Variants in FAM120B observed in about 807,000 individuals in gnomAD.
FAM120B encodes constitutive coactivator of peroxisome proliferator-activated receptor gamma.
In FAM120B, 83 loss-of-function variants were observed where a neutral mutation model predicts 96.3. The observed-to-expected ratio is 0.86, with a 90% CI of 0.72 to 1.03. FAM120B has a LOEUF of 1.03. FAM120B is among the 50% of genes least tolerant of loss of function. The pLI, the probability that FAM120B is intolerant of heterozygous loss-of-function variation, is 0.00. For missense variants in FAM120B, 1,027 were observed against 1,121.2 expected (o/e 0.92, Z 1.20); for synonymous variants, 407 against 402.7 (o/e 1.01, Z -0.13).
chr6:170,318,119 G>C lies in FAM120B; in HGVS notation c.729G>C (p.Arg243Ser). ...IIPEGMFESFRYKCLSSYTSV... is the reference protein window; with the variant it reads ...IIPEGMFESFSYKCLSSYTSV... ...CAGAGGGCATGTTTGAAAGCTTTAG[G>C]TACAAATGCTTATCGTCCTACACCT... Residue 243 changes from arginine to serine, a missense_variant, in exon 2 of 11, where the codon AGG becomes AGC. By Grantham distance (110) the Arg-to-Ser change is moderately radical. Coordinates refer to ENST00000476287, the MANE Select transcript of FAM120B (RefSeq NM_032448.3). 6.2e-7 allele frequency: 1 copy of C among 1,614,096 alleles called. No homozygotes were observed. The highest frequency in any genetic ancestry group is 1.1e-5 in the South Asian group (1 of 91,086).
intron 8 of FAM120B, among the ~76,000 whole-genome samples, chr6:170,392,776 A>T (rs1341368864): frequency 6.6e-6 from 1 of 152,110 alleles, no homozygotes. Context: ...CCCAGATCCC[A>T]CCAGGTGTCG....
At chr6:170,350,877 G>A (rs1002783925) in intron 5 of FAM120B, among the ~76,000 whole-genome samples, 116 of 152,268 alleles carry the variant, frequency 7.6e-4, no homozygotes, top group African/African-American at 2.6e-3. Context: ...AAGCCAGAGC[G>A]CCTTTTCTCC....
At chr6:170,304,191 A>G (rs898911202), upstream of FAM120B, among the ~76,000 whole-genome samples, 1 of 152,264 alleles carries the variant, frequency 6.6e-6, no homozygotes, top group Non-Finnish European at 1.5e-5. Context: ...AACAGCTAAT[A>G]TAGTGAGAGT....
In FAM120B at chr6:170,386,769, A is replaced by G. The variant is rs1329162321; in HGVS notation, c.2284-1518A>G. Among the ~76,000 whole-genome samples the G allele has an allele frequency of 2.0e-5, 3 of 152,228 alleles. No individual in the cohort carries two copies. In the East Asian group the frequency reaches 5.8e-4, roughly 29 times the overall value. On this transcript the variant is annotated intron_variant, in intron 6 of 10. Coordinates refer to ENST00000476287, the MANE Select transcript of FAM120B (RefSeq NM_032448.3). ...TTTCTCTAAGTCCAGCAAAATCCTG[A>G]TGCAAAAATCTAACAAAGACATCAC...
chr6:170,378,708 C>T (rs1348426104), intron 6 of FAM120B, among the ~76,000 whole-genome samples: 1 of 152,178 alleles, frequency 6.6e-6, no homozygotes, highest in Non-Finnish European at 1.5e-5. Flanking sequence ...TGCAAAGGGG[C>T]AGCCAGTGCC....
At chr6:170,349,473 C>T (rs920222318) in intron 5 of FAM120B, among the ~76,000 whole-genome samples, 64 of 152,356 alleles carry the variant, frequency 4.2e-4, no homozygotes, top group Non-Finnish European at 4.7e-4. Context: ...TAAATGTCCT[C>T]TTGGGTCTGC....
chr6:170,293,178 C>T (rs1336241175), upstream of FAM120B, among the ~76,000 whole-genome samples: 5 of 151,764 alleles, frequency 3.3e-5, no homozygotes, highest in Non-Finnish European at 5.9e-5. Flanking sequence ...GTGCTGGGGG[C>T]TGGGGGTGGG....
At chr6:170,339,346 TGTCA>T (rs1215129214) in intron 4 of FAM120B, among the ~76,000 whole-genome samples, 2 of 152,074 alleles carry the variant, frequency 1.3e-5, no homozygotes, top group African/African-American at 4.8e-5. Context: ...TTTTAAGGGA[TGTCA>T]GTGTTTTTGC....
chr6:170,358,423 A>G (rs1277616528), intron 6 of FAM120B, 105 bp downstream of exon 6: 10 of 845,274 alleles, frequency 1.2e-5, no homozygotes, highest in Middle Eastern at 4.6e-4. Flanking sequence ...TCAGGAAGGT[A>G]TTTTAGTCAG....
chr6:170,360,722 C>T (rs1297988988), intron 6 of FAM120B, among the ~76,000 whole-genome samples: 1 of 152,112 alleles, frequency 6.6e-6, no homozygotes, highest in East Asian at 1.9e-4. Flanking sequence ...CTTGTGATCC[C>T]TGAGGTCACT....
intron 5 of FAM120B, among the ~76,000 whole-genome samples, chr6:170,349,715 G>A (rs1383285581): frequency 6.6e-6 from 1 of 152,176 alleles, no homozygotes; most frequent in Non-Finnish European, 1.5e-5. Context: ...GAGAGGAGAT[G>A]AATCCAAGAG....
chr6:170,402,503 C>A (rs1030975552), intron 9 of FAM120B, among the ~76,000 whole-genome samples: 3 of 152,236 alleles, frequency 2.0e-5, no homozygotes, highest in Non-Finnish European at 2.9e-5. Context: ...GGCACAGGAG[C>A]AGTGCGGGCA....
rs141582148 is a variant in FAM120B at position 170,400,615 on chromosome 6, C to T, written c.2693-3935C>T. Among the ~76,000 whole-genome samples, 598 of 152,322 alleles carry T rather than the reference C, an allele frequency of 3.9e-3. 4 individuals carry two copies. Among genetic ancestry groups the T allele is most frequent in the Non-Finnish European group, 4.2e-3 (283 of 68,022 alleles). On this transcript the variant is annotated intron_variant, in intron 9 of 10. Transcript: ENST00000476287. Reference sequence around the variant, plus strand: ...ACCGGCTGCAGGGACGGCACCTCCACAGCACCAGCATCCAGGCAGAGGGGA... The same window carrying T: ...ACCGGCTGCAGGGACGGCACCTCCATAGCACCAGCATCCAGGCAGAGGGGA...
intron 4 of FAM120B, among the ~76,000 whole-genome samples, chr6:170,341,764 G>A (rs1786850474): frequency 6.6e-6 from 1 of 152,176 alleles, no homozygotes; most frequent in Admixed American, 6.5e-5. Context: ...CTTCCTGGGT[G>A]AGGCAACACC....
rs1554287939 is a variant in FAM120B at position 170,368,821 on chromosome 6, G to GGGT, written c.2283+10505_2283+10506insTGG. On this transcript the variant is annotated intron_variant, in intron 6 of 10. Transcript: ENST00000476287. ...AGCAGCTCTGCTGTCTGCCGGGGCTGGGGGGGGGGCTCCCTCCTGGCTTGC... is the reference window on the plus strand; with the variant it reads ...AGCAGCTCTGCTGTCTGCCGGGGCTGGGTGGGGGGGGGCTCCCTCCTGGCTTGC... Among the ~76,000 whole-genome samples, 25 of 20,346 alleles carry GGGT rather than the reference G, an allele frequency of 1.2e-3. No individual in the cohort carries two copies. The South Asian group carries it at 0.028, about 23-fold the overall frequency. The allele number at this position is 20,346 out of a possible 152,430, so 13.3% of individuals were successfully genotyped here. A position where few individuals can be genotyped will look rare whatever the true frequency, so the allele number is the denominator to read the frequency against.
chr6:170,316,044 G>C (rs1232204607), intron 1 of FAM120B, among the ~76,000 whole-genome samples: 2 of 117,636 alleles, frequency 1.7e-5, no homozygotes, highest in African/African-American at 6.6e-5. Flanking sequence ...AGGCAACAGA[G>C]TGAGACCCGG....
At position 170,348,141 on chromosome 6, in the gene FAM120B, T is replaced by C; in HGVS notation, c.2018-10T>C. ...AGAACAATAGTTAATGGACTTTTTT[T>C]CTTAACTAGGGGGAACGCCTAGTTT... is the stretch of plus-strand genomic sequence containing the variant. On this transcript the variant is annotated splice_polypyrimidine_tract_variant and intron_variant, in intron 4 of 10. Coordinates refer to ENST00000476287, the MANE Select transcript of FAM120B (RefSeq NM_032448.3). The C allele has an allele frequency of 1.2e-6, 2 of 1,609,858 alleles. No homozygotes were observed. The highest frequency in any genetic ancestry group is 1.7e-6 in the Non-Finnish European group (2 of 1,178,168).
At chr6:170,374,284 G>T (rs575169030) in intron 6 of FAM120B, among the ~76,000 whole-genome samples, 1 of 152,304 alleles carries the variant, frequency 6.6e-6, no homozygotes, top group African/African-American at 2.4e-5. Flanking sequence ...TTGAGGTAGA[G>T]AAATAAAAGA....
intron 5 of FAM120B, among the ~76,000 whole-genome samples, chr6:170,354,318 C>T (rs896863366): frequency 6.6e-6 from 1 of 152,078 alleles, no homozygotes; most frequent in African/African-American, 2.4e-5. Context: ...TATAAAAACC[C>T]TAGAAGAAAA....
Sources: allele counts gnomAD v4.1 joint callset (sites outside exome capture counted in the v4.1 genomes callset), GRCh38; gene constraint gnomAD v4.1.1; transcripts MANE v1.5; gene names NCBI Gene and HGNC (gene_info 2026-07-23, HGNC 2026-07-21).